The following IPCEF1 variants were observed in gnomAD, a reference collection of about 807,000 sequenced individuals.
IPCEF1 encodes the protein interaction protein for cytohesin exchange factors 1.
A neutral mutation model predicts 50.9 loss-of-function variants in IPCEF1; 31 were observed. The ratio of observed to expected loss-of-function variants is 0.61; its 90% CI spans 0.46 to 0.82. The LOEUF is 0.82. Ranked by LOEUF, IPCEF1 falls within the 40% of genes least tolerant of loss-of-function variation. The probability of loss-of-function intolerance (pLI) is 0.00; values close to 1 mark genes in which losing one functional copy is unlikely to be tolerated. For synonymous variants in IPCEF1, 181 were observed against 192.0 expected, an observed-to-expected ratio of 0.94 and a Z score of 0.47; for missense variants, 458 against 514.0, an observed-to-expected ratio of 0.89 and a Z score of 1.05.
chr6:154,161,408 G>A lies in IPCEF1; in HGVS notation c.1105-1368C>T, dbSNP rs139929583. On this transcript the variant is annotated intron_variant, in intron 11 of 11. Coordinates refer to ENST00000367220, the MANE Select transcript of IPCEF1 (RefSeq NM_001130700.2). ...CTATTTTTAGTAGAGATGGGGTTTC[G>A]CCATGTTGACCAAGCTGGTCTCAAA... Among the ~76,000 whole-genome samples the A allele has an allele frequency of 1.2e-3, 189 of 151,846 alleles. 1 individual carries two copies. The highest frequency in any genetic ancestry group is 1.8e-3 in the Non-Finnish European group (120 of 67,902).
At chr6:154,342,004 G>A (rs2128698241) in intron 1 of IPCEF1, among the ~76,000 whole-genome samples, 1 of 152,252 alleles carries the variant, frequency 6.6e-6, no homozygotes, top group East Asian at 1.9e-4. Context: ...TAGAGGTTGA[G>A]TCATGCAACA....
chr6:154,354,484 AT>A (rs1784178557), intron 1 of IPCEF1, among the ~76,000 whole-genome samples: 1 of 150,140 alleles, frequency 6.7e-6, no homozygotes, highest in Non-Finnish European at 1.5e-5. Context: ...CACCTCCACC[AT>A]CTCTACCGTC....
chr6:154,283,941 G>GA (rs937293620), intron 2 of IPCEF1, among the ~76,000 whole-genome samples: 2 of 151,924 alleles, frequency 1.3e-5, no homozygotes, highest in African/African-American at 4.8e-5. Flanking sequence ...CATTTAAAAA[G>GA]AAAAACATGA....
intron 1 of IPCEF1, among the ~76,000 whole-genome samples, chr6:154,353,293 C>CTTTTTTT (rs914097422): frequency 7.8e-5 from 10 of 127,854 alleles, no homozygotes; most frequent in East Asian, 4.4e-4. Flanking sequence ...TTTCCTTTTC[C>CTTTTTTT]TTTTTTTTTT....
chr6:154,261,543 C>T (rs1479448230), intron 3 of IPCEF1, among the ~76,000 whole-genome samples: 2 of 152,130 alleles, frequency 1.3e-5, no homozygotes, highest in African/African-American at 4.8e-5. Flanking sequence ...ACCGATAGAA[C>T]TTGGTGGATC....
chr6:154,209,895 T>C (rs907110379), intron 9 of IPCEF1, among the ~76,000 whole-genome samples: 5 of 152,206 alleles, frequency 3.3e-5, no homozygotes, highest in Non-Finnish European at 7.3e-5. Flanking sequence ...TTAGCATTAA[T>C]GGCCTGCCAA....
At chr6:154,328,995 T>A (rs1010473585) in intron 1 of IPCEF1, among the ~76,000 whole-genome samples, 1 of 152,212 alleles carries the variant, frequency 6.6e-6, no homozygotes, top group African/African-American at 2.4e-5. Flanking sequence ...AAAATTTATA[T>A]CTTTTTTCAA....
intron 10 of IPCEF1, among the ~76,000 whole-genome samples, chr6:154,180,404 ATATATATATATT>A (rs1800747990): frequency 5.0e-5 from 2 of 40,368 alleles, no homozygotes; most frequent in South Asian, 1.7e-3. Context: ...ATATATATAT[ATATATATATATT>A]TTTTTTTTAA....
At chr6:154,190,513 C>T (rs986513981) in intron 10 of IPCEF1, among the ~76,000 whole-genome samples, 2 of 152,178 alleles carry the variant, frequency 1.3e-5, no homozygotes, top group Admixed American at 1.3e-4. Flanking sequence ...AAACACCAAA[C>T]GTTGGCAAGG....
chr6:154,315,946 G>A (rs927111473), intron 1 of IPCEF1, among the ~76,000 whole-genome samples: 9 of 151,986 alleles, frequency 5.9e-5, no homozygotes, highest in South Asian at 2.1e-4. Context: ...TGCAATCTCC[G>A]CCTCCCAGGT....
chr6:154,211,738 T>C (rs1777980832), intron 9 of IPCEF1, among the ~76,000 whole-genome samples: 1 of 152,240 alleles, frequency 6.6e-6, no homozygotes, highest in South Asian at 2.1e-4. Context: ...TCACTTTTAA[T>C]AGGTTGGTGC....
intron 1 of IPCEF1, among the ~76,000 whole-genome samples, chr6:154,347,102 C>A (rs1227890314): frequency 6.6e-6 from 1 of 152,166 alleles, no homozygotes; most frequent in Non-Finnish European, 1.5e-5. Context: ...TCATTATTCA[C>A]CCAAACAGGC....
rs1002041777 is a variant in IPCEF1, at chr6:154,251,209, T to C, written c.37-3721A>G. On this transcript the variant is annotated intron_variant, in intron 3 of 11. Transcript: ENST00000367220. ...AATAATCTGTCATAGTAGTGGATAA[T>C]GAAGAAAGACAATAGACATTCTAAC... is the stretch of plus-strand genomic sequence containing the variant. Among the ~76,000 whole-genome samples, 10 of 152,200 alleles carry C rather than the reference T, an allele frequency of 6.6e-5. No individual in the cohort carries two copies. The South Asian group carries it at 1.0e-3, about 16-fold the overall frequency.
chr6:154,242,717 T>C (rs1780690486), intron 5 of IPCEF1, among the ~76,000 whole-genome samples: 1 of 152,028 alleles, frequency 6.6e-6, no homozygotes, highest in African/African-American at 2.4e-5. Context: ...TGAAACCTTG[T>C]CTCTACTAAA....
At chr6:154,310,656 G>A (rs1189243379) in intron 1 of IPCEF1, among the ~76,000 whole-genome samples, 1 of 152,060 alleles carries the variant, frequency 6.6e-6, no homozygotes, top group African/African-American at 2.4e-5. Context: ...ATATACACAT[G>A]GAATACTATA....
At chr6:154,250,546 C>T (rs1781312411) in intron 3 of IPCEF1, among the ~76,000 whole-genome samples, 1 of 152,124 alleles carries the variant, frequency 6.6e-6, no homozygotes, top group Non-Finnish European at 1.5e-5. Flanking sequence ...TCAAAAACTT[C>T]ATTTGGCCAC....
At position 154,331,370 on chromosome 6, in the gene IPCEF1, G is replaced by GAAAGAAAGAAA. The variant is rs149419612; in HGVS notation, c.-62+25301_-62+25302insTTTCTTTCTTT. ...GGGGAAGGAAAGAGAAAGAAAGAAAGGAAAGAAAGAAAGAAAGAAAGAAAG... is the reference window on the plus strand; with the variant it reads ...GGGGAAGGAAAGAGAAAGAAAGAAAGAAAGAAAGAAAGAAAGAAAGAAAGAAAGAAAGAAAG... On this transcript the variant is annotated intron_variant, in intron 1 of 11. Transcript: ENST00000367220. Among the ~76,000 whole-genome samples, 340 of 111,992 alleles carry GAAAGAAAGAAA rather than the reference G, an allele frequency of 3.0e-3. 4 individuals carry two copies. The highest frequency in any genetic ancestry group is 8.5e-3 in the Middle Eastern group (2 of 236). The allele number at this position is 111,992 out of a possible 152,430, so 73.5% of individuals were successfully genotyped here.
chr6:154,291,873 C>T (rs777958766), intron 1 of IPCEF1, among the ~76,000 whole-genome samples: 1 of 151,768 alleles, frequency 6.6e-6, no homozygotes, highest in Non-Finnish European at 1.5e-5. Flanking sequence ...TTAGTAGAGA[C>T]GGGGTTTCAC....
chr6:154,288,386 G>A (rs1036585119), intron 2 of IPCEF1, among the ~76,000 whole-genome samples: 9 of 152,238 alleles, frequency 5.9e-5, no homozygotes, highest in Non-Finnish European at 1.0e-4. Flanking sequence ...GTGGGCGGCC[G>A]GGCGCGGTGG....
Sources: gnomAD v4.1 joint callset for allele counts (sites outside exome capture counted in the v4.1 genomes callset) on GRCh38, gnomAD v4.1.1 for gene constraint, MANE v1.5 for transcripts, NCBI Gene and HGNC (gene_info 2026-07-23, HGNC 2026-07-21) for gene names.